GTF2IRD1: variants seen among roughly 807,000 people sequenced by gnomAD.
The protein encoded by GTF2IRD1 is GTF2I repeat domain containing 1.
GTF2IRD1 carries 26 observed loss-of-function variants against 113.2 expected under a neutral mutation model. The observed-to-expected ratio is 0.23, with a 90% CI of 0.17 to 0.32. The LOEUF (loss-of-function observed/expected upper bound fraction) is 0.32, where lower values mean the gene tolerates loss of function less well. Ranked by LOEUF, GTF2IRD1 falls within the 10% of genes least tolerant of loss-of-function variation. GTF2IRD1 has a pLI of 1.00. For synonymous variants in GTF2IRD1, 484 were observed against 529.1 expected, an observed-to-expected ratio of 0.91 and a Z score of 1.17; for missense variants, 864 against 1,280.8, an observed-to-expected ratio of 0.67 and a Z score of 4.97.
intron 1 of GTF2IRD1, among the ~76,000 whole-genome samples, chr7:74,463,089 T>C (rs1554329839): frequency 6.6e-6 from 1 of 152,154 alleles, no homozygotes; most frequent in African/African-American, 2.4e-5. Context: ...GGTAGAAGTT[T>C]CATGTTTGCC....
At position 74,505,843 on chromosome 7, in the gene GTF2IRD1, C is replaced by T. The variant is rs1356291355; in HGVS notation, c.-6-2232C>T. The T allele has an allele frequency of 5.3e-5, 8 of 152,372 alleles. No individual in the cohort carries two copies. The East Asian group carries it at 9.6e-4, about 18-fold the overall frequency. The allele number at this position is 152,372 out of a possible 1,614,324, so 9.4% of individuals were successfully genotyped here. A position where few individuals can be genotyped will look rare whatever the true frequency, so the allele number is the denominator to read the frequency against. ...CTTCCTGCCACGGAACATCCCCAGC[C>T]GTGGCCACTGGCCACCTCGTGGTTC... is the stretch of plus-strand genomic sequence containing the variant. On this transcript the variant is annotated intron_variant, in intron 1 of 26. Transcript: ENST00000424337.
chr7:74,583,663 A>G (rs1801558420), intron 22 of GTF2IRD1, among the ~76,000 whole-genome samples: 1 of 151,822 alleles, frequency 6.6e-6, no homozygotes, highest in Non-Finnish European at 1.5e-5. Flanking sequence ...TGTGCCCCAT[A>G]TAGAATTGCC....
At position 74,542,026 on chromosome 7, in the gene GTF2IRD1, T is replaced by C. The variant is rs587657655; in HGVS notation, c.1618+2058T>C. 3.3e-5 allele frequency among the ~76,000 whole-genome samples: 5 copies of C among 151,418 alleles called. No individual in the cohort carries two copies. The East Asian group carries it at 9.7e-4, about 29-fold the overall frequency. ...CAGGAGGATCCTTTGAGCCCAGGAG[T>C]TGGAGCCTGCAGTGGGCTATGATGG... On this transcript the variant is annotated intron_variant, in intron 14 of 26. Transcript: ENST00000424337.
At chr7:74,541,916 A>G (rs202041179) in intron 14 of GTF2IRD1, among the ~76,000 whole-genome samples, 1 of 73,080 alleles carries the variant, frequency 1.4e-5, no homozygotes, top group Non-Finnish European at 2.5e-5. Flanking sequence ...AACTAAATAG[A>G]TAGATAGATA....
intron 1 of GTF2IRD1, among the ~76,000 whole-genome samples, chr7:74,503,918 C>T (rs1250749656): frequency 1.3e-5 from 2 of 152,106 alleles, no homozygotes; most frequent in Non-Finnish European, 2.9e-5. Flanking sequence ...CCCTCTCTCC[C>T]TGCTTTTGGA....
chr7:74,531,652 G>A (rs1202399880), intron 9 of GTF2IRD1, among the ~76,000 whole-genome samples: 1 of 151,920 alleles, frequency 6.6e-6, no homozygotes, highest in African/African-American at 2.4e-5. Context: ...GGAGGCCAAG[G>A]TAGGCGGATC....
chr7:74,504,153 C>T (rs782621038), intron 1 of GTF2IRD1, among the ~76,000 whole-genome samples: 13 of 152,188 alleles, frequency 8.5e-5, no homozygotes, highest in Non-Finnish European at 1.3e-4. Flanking sequence ...TTTATCCATT[C>T]TACCGCTGAT....
chr7:74,538,304 C>A (rs1798420731), intron 12 of GTF2IRD1, 131 bp downstream of exon 12: 2 of 863,164 alleles, frequency 2.3e-6, no homozygotes, highest in African/African-American at 1.7e-5. Context: ...CTCTGCCCAC[C>A]TGCCTCCACT....
chr7:74,534,097 C>T (rs1798138499), intron 9 of GTF2IRD1, among the ~76,000 whole-genome samples: 1 of 151,904 alleles, frequency 6.6e-6, no homozygotes, highest in South Asian at 2.1e-4. Context: ...CTGCTCTGTG[C>T]CGTCCTGTGC....
At chr7:74,577,690 T>A (rs1250813627) in intron 22 of GTF2IRD1, among the ~76,000 whole-genome samples, 2 of 151,766 alleles carry the variant, frequency 1.3e-5, no homozygotes, top group Non-Finnish European at 2.9e-5. Context: ...GTCTCCCTCT[T>A]GCCCAGGCAG....
intron 1 of GTF2IRD1, among the ~76,000 whole-genome samples, chr7:74,460,970 G>A (rs1336928045): frequency 6.6e-6 from 1 of 152,194 alleles, no homozygotes; most frequent in Non-Finnish European, 1.5e-5. Flanking sequence ...CCTCTGGAGT[G>A]GGGGAAATGG....
At chr7:74,576,173 A>T (rs1801047277) in intron 22 of GTF2IRD1, among the ~76,000 whole-genome samples, 1 of 151,906 alleles carries the variant, frequency 6.6e-6, no homozygotes, top group Admixed American at 6.6e-5. Flanking sequence ...AAAATAAATA[A>T]ATTACCTAAA....
intron 22 of GTF2IRD1, among the ~76,000 whole-genome samples, chr7:74,570,470 A>T (rs1375293805): frequency 2.0e-5 from 3 of 152,100 alleles, no homozygotes; most frequent in African/African-American, 7.2e-5. Flanking sequence ...CCTGGGCAAC[A>T]TAGTGAGACC....
chr7:74,456,379 C>G (rs1308195311), intron 1 of GTF2IRD1, among the ~76,000 whole-genome samples: 2 of 152,130 alleles, frequency 1.3e-5, no homozygotes, highest in Non-Finnish European at 2.9e-5. Context: ...GCTTCCTCAG[C>G]CGACTCATAA....
intron 16 of GTF2IRD1, among the ~76,000 whole-genome samples, 194 bp downstream of exon 16, chr7:74,546,003 G>T (rs1554353155): frequency 6.6e-6 from 1 of 152,010 alleles, no homozygotes; most frequent in Non-Finnish European, 1.5e-5. Flanking sequence ...TGTCACTCAG[G>T]CTCCCTGGCT....
chr7:74,574,560 A>G (rs1490255237), intron 22 of GTF2IRD1, among the ~76,000 whole-genome samples: 3 of 150,834 alleles, frequency 2.0e-5, no homozygotes, highest in Non-Finnish European at 4.4e-5. Flanking sequence ...CCTAAGCTCA[A>G]GTGATCCTCC....
At chr7:74,467,903 C>T (rs1554331327) in intron 1 of GTF2IRD1, among the ~76,000 whole-genome samples, 1 of 152,068 alleles carries the variant, frequency 6.6e-6, no homozygotes, top group African/African-American at 2.4e-5. Flanking sequence ...CATGTTGGAC[C>T]AGACTGGTCT....
chr7:74,454,709 C>G (rs1450069202), intron 1 of GTF2IRD1, among the ~76,000 whole-genome samples: 6 of 151,872 alleles, frequency 4.0e-5, no homozygotes, highest in Non-Finnish European at 8.8e-5. Context: ...CCCCCCGCCC[C>G]GGCCCCGGGG....
rs587767637 is a variant in GTF2IRD1, at chr7:74,591,942, T to G, written c.2591+925T>G. 8.7e-4 allele frequency among the ~76,000 whole-genome samples: 132 copies of G among 151,768 alleles called. 5 individuals carry two copies. In the South Asian group the frequency reaches 0.027, roughly 31 times the overall value. ...AACCTGGGTGGCCCAGTTTTTTTTT[T>G]TTAATACAATAGATTATTTGATTAT... is the stretch of plus-strand genomic sequence containing the variant. On this transcript the variant is annotated intron_variant, in intron 24 of 26. Transcript: ENST00000424337.
Sources: gnomAD v4.1 joint callset for allele counts (sites outside exome capture counted in the v4.1 genomes callset) on GRCh38, gnomAD v4.1.1 for gene constraint, MANE v1.5 for transcripts, NCBI Gene and HGNC (gene_info 2026-07-23, HGNC 2026-07-21) for gene names.